Variants in KRT85 observed in about 807,000 individuals in gnomAD.
The protein encoded by KRT85 is keratin 85, also known as keratin, type II cuticular Hb5.
Under a neutral mutation model 53.7 loss-of-function variants are expected in KRT85, and 39 were observed. The ratio of observed to expected loss-of-function variants is 0.73; its 90% CI spans 0.56 to 0.95. KRT85 has a LOEUF of 0.95. KRT85 is among the 40% of genes least tolerant of loss of function. KRT85 has a pLI of 0.00. For missense variants in KRT85, 668 were observed against 686.0 expected (o/e 0.97, Z 0.29); for synonymous variants, 291 against 277.5 (o/e 1.05, Z -0.48).
At chr12:52,363,441 C>T in intron 4 of KRT85, 31 bp from the exon 5 acceptor site, 1 of 1,613,948 alleles carries the variant, frequency 6.2e-7, no homozygotes, top group African/African-American at 1.3e-5. Context: ...GCATTTGCTT[C>T]TAGTGCCTGA....
intron 5 of KRT85, 43 bp downstream of exon 5, chr12:52,363,203 T>G: frequency 6.2e-7 from 1 of 1,612,104 alleles, no homozygotes; most frequent in Non-Finnish European, 8.5e-7. Flanking sequence ...CTAACTTCCC[T>G]CCCACTGCCA....
At chr12:52,364,648 T>C in intron 2 of KRT85, 1 of 1,437,432 alleles carries the variant, frequency 7.0e-7, no homozygotes. Flanking sequence ...AGAGAGCTGG[T>C]TCCATTGGCA....
At chr12:52,362,157 C>A in intron 7 of KRT85, 94 bp downstream of exon 7, 1 of 1,523,538 alleles carries the variant, frequency 6.6e-7, no homozygotes, top group Non-Finnish European at 9.1e-7. Context: ...TTAGCCATGG[C>A]CAGAGTTGTA....
chr12:52,363,240 A>T lies in KRT85; in HGVS notation c.951+6T>A. 1.2e-6 allele frequency: 2 copies of T among 1,613,816 alleles called. No homozygotes were observed. Among genetic ancestry groups the T allele is most frequent in the African/African-American group, 2.7e-5 (2 of 74,922 alleles). On this transcript the variant is annotated splice_donor_region_variant and intron_variant, in intron 5 of 8. Coordinates refer to ENST00000257901, the MANE Select transcript of KRT85 (RefSeq NM_002283.4). Reference sequence around the variant, plus strand: ...GCTTAGCAGGCAGGTGTCCTGTGCCACTCACCTTGCTACGGTACCAGGACT... The same window carrying T: ...GCTTAGCAGGCAGGTGTCCTGTGCCTCTCACCTTGCTACGGTACCAGGACT...
rs375062408 is a variant in KRT85, at chr12:52,362,379, G to A, written c.1170C>T (p.Gly390=). The stretch of plus-strand genomic sequence containing the variant: ...TGTCCTGCTTGGCCTTCTGCAGGGC[G>A]CCCTCCAGCTCAGCCAGCTTGCAGC... ...DARCKLAELE[G]ALQKAKQDMA... Residue 390 remains glycine (G), a synonymous_variant, in exon 7 of 9, where the codon GGC becomes GGT. Transcript: ENST00000257901. 88 of 1,614,160 alleles carry A rather than the reference G, an allele frequency of 5.5e-5. No homozygotes were observed. The Admixed American group carries it at 7.3e-4, about 13-fold the overall frequency.
At position 52,364,317 on chromosome 12, in the gene KRT85, C is replaced by T. The variant is rs141072357; in HGVS notation, c.679G>A (p.Val227Ile). 4.6e-5 allele frequency: 74 copies of T among 1,614,182 alleles called. No individual in the cohort carries two copies. The African/African-American group carries it at 6.9e-4, about 15-fold the overall frequency. The change falls in exon 3 of 9, where the codon GTT (valine) becomes ATT (isoleucine). Residue 227 changes from valine (V) to isoleucine (I), a missense_variant. Transcript: ENST00000257901. ...GACCAGCCCCTCACCTTCTTTAGAA[C>T]GACAAACTCATTCTCTGCTGTGGCT... ...LRATAENEFV[V>I]LKKDVDCAYL...
intron 2 of KRT85, chr12:52,364,641 G>A: frequency 1.4e-6 from 2 of 1,438,678 alleles, no homozygotes; most frequent in Non-Finnish European, 1.8e-6. Flanking sequence ...GGTCCCAAGA[G>A]AGCTGGTTCC....
chr12:52,366,650 T>C (rs554292889), intron 1 of KRT85, among the ~76,000 whole-genome samples: 5 of 149,172 alleles, frequency 3.4e-5, no homozygotes, highest in East Asian at 1.9e-4. Flanking sequence ...CTCACATGCA[T>C]ACACACACAT....
intron 8 of KRT85, 140 bp from the exon 9 acceptor site, chr12:52,361,186 C>T: frequency 2.4e-6 from 2 of 838,122 alleles, no homozygotes; most frequent in Admixed American, 4.1e-5. Flanking sequence ...CCCTGAGATG[C>T]ACAGCCCATC....
chr12:52,364,304 A>C lies in KRT85; in HGVS notation c.690+2T>G. The C allele has an allele frequency of 6.2e-7, 1 of 1,613,836 alleles. No individual in the cohort carries two copies. The highest frequency in any genetic ancestry group is 2.2e-5 in the East Asian group (1 of 44,850). ...CTCCTTGCCCCATGACCAGCCCCTC[A>C]CCTTCTTTAGAACGACAAACTCATT... On this transcript the variant is annotated splice_donor_variant, in intron 3 of 8. Transcript: ENST00000257901. LOFTEE classifies it high-confidence loss of function.
At position 52,362,906 on chromosome 12, in the gene KRT85, AGCTCGTTGATCTCCTCCTTGGTGCG is replaced by A. The variant is rs1939214368; in HGVS notation, c.1000_1024del (p.Arg334Ter). ...CGTCAGCCTCTGGATCATGCGGTTC[AGCTCGTTGATCTCCTCCTTGGTGCG>A]GCGCAGGGTCTCCCCATGCCTGATC... On this transcript the variant is annotated frameshift_variant, in exon 6 of 9. Coordinates refer to ENST00000257901, the MANE Select transcript of KRT85 (RefSeq NM_002283.4). LOFTEE classifies it high-confidence loss of function. 1.2e-6 allele frequency: 2 copies of A among 1,613,990 alleles called. No individual in the cohort carries two copies. Among genetic ancestry groups the A allele is most frequent in the Non-Finnish European group, 1.7e-6 (2 of 1,180,034 alleles).
intron 1 of KRT85, 71 bp from the exon 2 acceptor site, chr12:52,365,241 TGCCCTCG>T (rs1939255853): frequency 4.7e-6 from 7 of 1,504,248 alleles, no homozygotes; most frequent in African/African-American, 1.4e-5. Flanking sequence ...ACAGTCTCTC[TGCCCTCG>T]GGTGCTGGCT....
intron 1 of KRT85, among the ~76,000 whole-genome samples, chr12:52,366,107 T>C (rs1410530236): frequency 6.6e-6 from 1 of 152,068 alleles, no homozygotes; most frequent in Non-Finnish European, 1.5e-5. Context: ...CGACAAAACT[T>C]TCTTGGGAGG....
chr12:52,362,881 C>T lies in KRT85; in HGVS notation c.1050G>A (p.Thr350=), dbSNP rs1621938. Residue 350 remains threonine, a synonymous_variant, in exon 6 of 9, where the codon ACG becomes ACA. Transcript: ENST00000257901. ...GGCACTTGGCATTCTCAATCTCGGC[C>T]GTCAGCCTCTGGATCATGCGGTTCA... ...NELNRMIQRL[T]AEIENAKCQR... is the part of the protein sequence containing the mutation. 6,005 of 1,614,120 alleles carry T rather than the reference C, an allele frequency of 3.7e-3. 177 individuals carry two copies. In the African/African-American group the frequency reaches 0.068, roughly 18 times the overall value.
chr12:52,364,298 C>CCCCTCA lies in KRT85; in HGVS notation c.690+2_690+7dup. On this transcript the variant is annotated splice_region_variant and intron_variant, in intron 3 of 8. Coordinates refer to ENST00000257901, the MANE Select transcript of KRT85 (RefSeq NM_002283.4). ...CCCCTCCTCCTTGCCCCATGACCAGCCCCTCACCTTCTTTAGAACGACAAA... is the reference window on the plus strand; with the variant it reads ...CCCCTCCTCCTTGCCCCATGACCAGCCCCTCACCCTCACCTTCTTTAGAACGACAAA... 6.2e-7 allele frequency: 1 copy of CCCCTCA among 1,614,188 alleles called. No homozygotes were observed. The highest frequency in any genetic ancestry group is 1.6e-4 in the Middle Eastern group (1 of 6,062).
chr12:52,366,416 C>T (rs1203691295), intron 1 of KRT85, among the ~76,000 whole-genome samples: 3 of 152,266 alleles, frequency 2.0e-5, no homozygotes, highest in Non-Finnish European at 4.4e-5. Context: ...GGGTCTCACA[C>T]TGCTGAGTGA....
Position 52,361,313 on chromosome 12 carries a change from A to T in KRT85, c.1330+154T>A, listed in dbSNP as rs1791627. On this transcript the variant is annotated intron_variant, in intron 8 of 8. Transcript: ENST00000257901. ...AACACTTGCGAAGAGCACTCAGCTC[A>T]GCTTTCTCTAACACCTGTCATGGCC... Among the ~76,000 whole-genome samples the T allele has an allele frequency of 0.57, 85,986 of 152,108 alleles. 25,079 individuals are homozygous for T. The highest frequency in any genetic ancestry group is 0.72 in the African/African-American group (29,718 of 41,510).
rs1939256289 is a variant in KRT85 at position 52,365,267 on chromosome 12, T to A, written c.421-97A>T. 4.5e-6 allele frequency: 6 copies of A among 1,326,578 alleles called. No homozygotes were observed. In the South Asian group the frequency reaches 7.4e-5, roughly 16 times the overall value. 82.2% of individuals were successfully genotyped at this position (1,326,578 alleles called of 1,614,324 possible). A position where few individuals can be genotyped will look rare whatever the true frequency, so the allele number is the denominator to read the frequency against. Reference sequence around the variant, plus strand: ...GCCCTCGGGTGCTGGCTGAATGGGCTGAGCCATAAAGCTGAGTGTCTGCGG... The same window carrying A: ...GCCCTCGGGTGCTGGCTGAATGGGCAGAGCCATAAAGCTGAGTGTCTGCGG... On this transcript the variant is annotated intron_variant, in intron 1 of 8. Coordinates refer to ENST00000257901, the MANE Select transcript of KRT85 (RefSeq NM_002283.4).
Position 52,364,129 on chromosome 12 carries a change from A to C in KRT85, c.725T>G (p.Leu242Arg). ...CACCAGGGCCTCCACATTGGCCTCC[A>C]GGTCTGATTTCCGCAGGTAGGCACA... ...VDCAYLRKSDLEANVEALVEE... is the reference protein window; with the variant it reads ...VDCAYLRKSDREANVEALVEE... The change falls in exon 4 of 9, where the codon CTG (leucine) becomes CGG (arginine). Residue 242 changes from leucine (L) to arginine (R), a missense_variant. Physicochemically the swap from Leu to Arg is moderately radical, Grantham distance 102. Transcript: ENST00000257901. The C allele has an allele frequency of 6.2e-7, 1 of 1,614,104 alleles. No homozygotes were observed. The highest frequency in any genetic ancestry group is 2.2e-5 in the East Asian group (1 of 44,880).
Sources: allele counts gnomAD v4.1 joint callset (sites outside exome capture counted in the v4.1 genomes callset), GRCh38; gene constraint gnomAD v4.1.1; transcripts MANE v1.5; gene names NCBI Gene and HGNC (gene_info 2026-07-23, HGNC 2026-07-21).